CNTNAP2: variants seen among roughly 807,000 people sequenced by gnomAD.
The protein encoded by CNTNAP2 is contactin associated protein 2.
In CNTNAP2, 98 loss-of-function variants were observed where a neutral mutation model predicts 155.2. The observed-to-expected ratio is 0.63, with a 90% CI of 0.54 to 0.75. The LOEUF is 0.75. CNTNAP2 is among the 30% of genes least tolerant of loss of function. CNTNAP2 has a pLI of 0.00. For missense variants in CNTNAP2, 1,727 were observed against 1,688.1 expected (o/e 1.02, Z -0.40); for synonymous variants, 651 against 631.2 (o/e 1.03, Z -0.47).
At chr7:146,738,274 T>C (rs1801654370) in intron 1 of CNTNAP2, among the ~76,000 whole-genome samples, 1 of 147,088 alleles carries the variant, frequency 6.8e-6, no homozygotes, top group African/African-American at 2.7e-5. Flanking sequence ...ATGTTCAACA[T>C]TTTTTTTCAT....
At chr7:147,666,664 T>A (rs1167823640) in intron 13 of CNTNAP2, among the ~76,000 whole-genome samples, 2 of 152,216 alleles carry the variant, frequency 1.3e-5, no homozygotes, top group Admixed American at 1.3e-4. Flanking sequence ...TGTATCATGT[T>A]CTTTTGTGCT....
At chr7:146,595,031 T>C (rs1798839733) in intron 1 of CNTNAP2, among the ~76,000 whole-genome samples, 1 of 152,098 alleles carries the variant, frequency 6.6e-6, no homozygotes, top group South Asian at 2.1e-4. Context: ...CAATTTTTAA[T>C]GATGGATATG....
At chr7:147,163,271 A>G (rs961185530) in intron 8 of CNTNAP2, among the ~76,000 whole-genome samples, 19 of 152,234 alleles carry the variant, frequency 1.2e-4, no homozygotes, top group South Asian at 4.1e-4. Context: ...AACAACAACA[A>G]TATCTTAACT....
chr7:147,260,395 A>C (rs1252785359), intron 8 of CNTNAP2, among the ~76,000 whole-genome samples: 2 of 152,216 alleles, frequency 1.3e-5, no homozygotes, highest in Non-Finnish European at 2.9e-5. Flanking sequence ...TCTGAGTCAA[A>C]GATTCAAAAG....
intron 1 of CNTNAP2, among the ~76,000 whole-genome samples, chr7:146,686,815 T>C (rs1312028258): frequency 6.6e-6 from 1 of 151,992 alleles, no homozygotes; most frequent in African/African-American, 2.4e-5. Flanking sequence ...TAAAATGGAG[T>C]CAATGTAATT....
chr7:146,352,955 CCT>C lies in CNTNAP2; in HGVS notation c.97+235983_97+235984del, dbSNP rs1238629705. On this transcript the variant is annotated intron_variant, in intron 1 of 23. Transcript: ENST00000361727. ...ATTTTTAGTAGAGACAGGATTTCAC[CCT>C]GTTAGCCAGGATGGTCTCGATCTCC... Among the ~76,000 whole-genome samples the C allele has an allele frequency of 8.6e-5, 13 of 151,698 alleles. 1 individual carries two copies. The South Asian group carries it at 2.7e-3, about 32-fold the overall frequency.
chr7:146,408,203 G>T (rs1795819438), intron 1 of CNTNAP2, among the ~76,000 whole-genome samples: 1 of 152,086 alleles, frequency 6.6e-6, no homozygotes, highest in African/African-American at 2.4e-5. Context: ...CATATTAATT[G>T]CTTCAAGCAA....
At chr7:146,539,638 T>G (rs2129140816) in intron 1 of CNTNAP2, among the ~76,000 whole-genome samples, 1 of 152,206 alleles carries the variant, frequency 6.6e-6, no homozygotes, top group South Asian at 2.1e-4. Context: ...ACCTGATTTC[T>G]ATCAAGATGC....
chr7:147,206,265 A>T (rs1298047906), intron 8 of CNTNAP2, among the ~76,000 whole-genome samples: 1 of 142,558 alleles, frequency 7.0e-6, no homozygotes, highest in Non-Finnish European at 1.5e-5. Flanking sequence ...AACCTGTATA[A>T]AAAAAAAAAA....
chr7:146,852,657 AT>A (rs1268145378), intron 3 of CNTNAP2, among the ~76,000 whole-genome samples: 1 of 152,164 alleles, frequency 6.6e-6, no homozygotes, highest in Non-Finnish European at 1.5e-5. Context: ...ATGATGGATA[AT>A]TTTTCTATCA....
At chr7:146,963,066 A>G (rs1797586550) in intron 3 of CNTNAP2, 1 of 152,338 alleles carries the variant, frequency 6.6e-6, no homozygotes, top group Non-Finnish European at 1.5e-5. Context: ...TCCGTGTGGG[A>G]CAGAGCCAGG....
intron 1 of CNTNAP2, among the ~76,000 whole-genome samples, chr7:146,550,417 T>TTTTG (rs1798102476): frequency 7.4e-6 from 1 of 134,534 alleles, no homozygotes; most frequent in Non-Finnish European, 1.7e-5. Context: ...TTTTTTTTTT[T>TTTTG]TTTTTTTTTT....
In CNTNAP2 at chr7:146,515,625, C is replaced by T. The variant is rs141485365; in HGVS notation, c.98-258646C>T. On this transcript the variant is annotated intron_variant, in intron 1 of 23. Coordinates refer to ENST00000361727, the MANE Select transcript of CNTNAP2 (RefSeq NM_014141.6). ...CTATTAATAAGGAATCTTAAGAGCA[C>T]GCTAGAATATTGAGGAACAAAGACA... is the stretch of plus-strand genomic sequence containing the variant. Among the ~76,000 whole-genome samples, 1,483 of 152,118 alleles carry T rather than the reference C, an allele frequency of 9.7e-3. 26 individuals carry two copies. Among genetic ancestry groups the T allele is most frequent in the African/African-American group, 0.034 (1,417 of 41,530 alleles).
chr7:146,838,138 G>T (rs1169857733), intron 2 of CNTNAP2, among the ~76,000 whole-genome samples: 1 of 152,042 alleles, frequency 6.6e-6, no homozygotes, highest in Non-Finnish European at 1.5e-5. Context: ...CCGTTTCAAT[G>T]ACACTACTGC....
At chr7:147,302,890 A>G (rs977437445) in intron 9 of CNTNAP2, among the ~76,000 whole-genome samples, 1 of 152,226 alleles carries the variant, frequency 6.6e-6, no homozygotes, top group Non-Finnish European at 1.5e-5. Flanking sequence ...TTACCAAGAA[A>G]GCACAGCACT....
intron 4 of CNTNAP2, among the ~76,000 whole-genome samples, chr7:147,086,989 GTTGTGGT>G (rs556472780): frequency 3.0e-4 from 46 of 152,282 alleles, no homozygotes; most frequent in Non-Finnish European, 5.6e-4. Flanking sequence ...TAGAGAGAAT[GTTGTGGT>G]TTGTAGGAAA....
intron 1 of CNTNAP2, among the ~76,000 whole-genome samples, chr7:146,634,466 A>T (rs1799564927): frequency 6.6e-6 from 1 of 152,186 alleles, no homozygotes; most frequent in Non-Finnish European, 1.5e-5. Context: ...TAATTCAAAC[A>T]TCAATAGAGA....
At chr7:146,294,656 A>C (rs1474513480) in intron 1 of CNTNAP2, among the ~76,000 whole-genome samples, 3 of 152,162 alleles carry the variant, frequency 2.0e-5, no homozygotes, top group African/African-American at 7.2e-5. Context: ...TTTACTTTTC[A>C]GTTTACCACT....
chr7:146,695,498 T>G (rs936359264), intron 1 of CNTNAP2, among the ~76,000 whole-genome samples: 8 of 152,140 alleles, frequency 5.3e-5, no homozygotes, highest in African/African-American at 1.9e-4. Context: ...CACTGCAGCC[T>G]CTACCTCCCT....
Sources: gnomAD v4.1 joint callset for allele counts (sites outside exome capture counted in the v4.1 genomes callset) on GRCh38, gnomAD v4.1.1 for gene constraint, MANE v1.5 for transcripts, NCBI Gene and HGNC (gene_info 2026-07-23, HGNC 2026-07-21) for gene names.